TGS1: variants seen among roughly 807,000 people sequenced by gnomAD.
TGS1 encodes the protein trimethylguanosine synthase.
A neutral mutation model predicts 92.2 loss-of-function variants in TGS1; 69 were observed. The ratio of observed to expected loss-of-function variants is 0.75; its 90% CI spans 0.62 to 0.91. The LOEUF is 0.91. Ranked by LOEUF, TGS1 falls within the 40% of genes least tolerant of loss-of-function variation. TGS1 has a pLI of 0.00. For missense variants in TGS1, 1,062 were observed against 1,001.2 expected, an observed-to-expected ratio of 1.06 and a Z score of -0.82; for synonymous variants, 345 against 338.1, an observed-to-expected ratio of 1.02 and a Z score of -0.22.
chr8:55,795,231 T>A (rs1009222302), intron 6 of TGS1, among the ~76,000 whole-genome samples: 1 of 152,232 alleles, frequency 6.6e-6, no homozygotes, highest in African/African-American at 2.4e-5. Flanking sequence ...GAGACTTAAC[T>A]ACTTAACTAC....
intron 12 of TGS1, among the ~76,000 whole-genome samples, chr8:55,821,332 T>A (rs770274394): frequency 9.2e-5 from 14 of 152,230 alleles, no homozygotes; most frequent in Non-Finnish European, 2.1e-4. Context: ...TTTGCTATAC[T>A]GCACTGCCTA....
rs1803769159 is a variant in TGS1, at chr8:55,825,468, T to G, written c.*765T>G. 6.6e-6 allele frequency: 1 copy of G among 152,212 alleles called. No individual in the cohort carries two copies. Among genetic ancestry groups the G allele is most frequent in the East Asian group, 1.9e-4 (1 of 5,204 alleles). 9.4% of individuals were successfully genotyped at this position (152,212 alleles called of 1,614,324 possible). ...GCAAGAGGGATATGTGTTGCTTAAT[T>G]ATTCATCTAAAAAGTTTGTTCAGTC... On this transcript the variant is annotated 3_prime_UTR_variant, in exon 13 of 13. Transcript: ENST00000260129.
rs549848379 is a variant in TGS1 at position 55,817,344 on chromosome 8, A to G, written c.2439+4226A>G. Among the ~76,000 whole-genome samples, 4 of 152,342 alleles carry G rather than the reference A, an allele frequency of 2.6e-5. No individual in the cohort carries two copies. In the South Asian group the frequency reaches 8.3e-4, roughly 32 times the overall value. On this transcript the variant is annotated intron_variant, in intron 12 of 12. Transcript: ENST00000260129. ...GGAATGAGGTACTTATTTATAGGTA[A>G]TATTTCTAAAACTTACCATATATAA...
At chr8:55,807,188 A>G (rs1803192111) in intron 10 of TGS1, among the ~76,000 whole-genome samples, 1 of 152,102 alleles carries the variant, frequency 6.6e-6, no homozygotes, top group Non-Finnish European at 1.5e-5. Context: ...TCAGCCTCGC[A>G]AAGTGCTGGG....
intron 12 of TGS1, among the ~76,000 whole-genome samples, chr8:55,814,721 T>C (rs1196717132): frequency 7.0e-6 from 1 of 143,164 alleles, no homozygotes; most frequent in African/African-American, 2.6e-5. Flanking sequence ...ACACACAAAT[T>C]AGCCGGGCAT....
intron 12 of TGS1, among the ~76,000 whole-genome samples, chr8:55,819,777 TTTC>T (rs1164146466): frequency 6.6e-6 from 1 of 152,218 alleles, no homozygotes. Flanking sequence ...TAAAAAATAT[TTTC>T]TTCTTTCACC....
At chr8:55,806,997 C>T (rs186065684) in intron 10 of TGS1, among the ~76,000 whole-genome samples, 16 of 151,270 alleles carry the variant, frequency 1.1e-4, no homozygotes, top group Non-Finnish European at 2.2e-4. Context: ...GCGCGGATCT[C>T]GGCTCACTGC....
chr8:55,781,465 T>C (rs955958961), intron 1 of TGS1, among the ~76,000 whole-genome samples: 39 of 152,240 alleles, frequency 2.6e-4, no homozygotes, highest in African/African-American at 9.4e-4. Context: ...AACATTATCT[T>C]CAACACATTT....
At position 55,813,066 on chromosome 8, in the gene TGS1, A is replaced by T. The variant is rs1563468558; in HGVS notation, c.2387A>T (p.Lys796Met). 1.2e-6 allele frequency: 2 copies of T among 1,610,720 alleles called. No homozygotes were observed. Among genetic ancestry groups the T allele is most frequent in the South Asian group, 1.1e-5 (1 of 90,756 alleles). Reference sequence around the variant, plus strand: ...TTTGAAATTTTCAGACTTTCTAAGAAGATCACTAATAATATTGTTTATTTT... The same window carrying T: ...TTTGAAATTTTCAGACTTTCTAAGATGATCACTAATAATATTGTTTATTTT... ...DGFEIFRLSK[K>M]ITNNIVYFLP... The change falls in exon 12 of 13, where the codon AAG becomes ATG. Residue 796 changes from lysine to methionine, a missense_variant. Coordinates refer to ENST00000260129, the MANE Select transcript of TGS1 (RefSeq NM_024831.8).
chr8:55,773,641 G>C lies in TGS1; in HGVS notation c.23G>C (p.Arg8Pro), dbSNP rs780065198. The stretch of plus-strand genomic sequence containing the variant: ...AAAATGTGCTGCGAGAAGTGGAGCC[G>C]CGTGGCGGAAATGTTTCTCTTCATT... Reference protein sequence around the residue: MCCEKWSRVAEMFLFIEE... With the variant: MCCEKWSPVAEMFLFIEE... The change falls in exon 1 of 13, where the codon CGC becomes CCC. Residue 8 changes from arginine (R) to proline (P), a missense_variant. Transcript: ENST00000260129. The C allele has an allele frequency of 2.4e-5, 39 of 1,611,034 alleles. No homozygotes were observed. The highest frequency in any genetic ancestry group is 3.3e-5 in the Non-Finnish European group (39 of 1,178,906).
At chr8:55,817,366 A>G (rs757019441) in intron 12 of TGS1, among the ~76,000 whole-genome samples, 4 of 152,234 alleles carry the variant, frequency 2.6e-5, no homozygotes, top group South Asian at 2.1e-4. Context: ...CTTACCATAT[A>G]TAAGAATAGA....
intron 8 of TGS1, 92 bp downstream of exon 8, chr8:55,799,312 T>C: frequency 8.2e-7 from 1 of 1,217,576 alleles, no homozygotes; most frequent in Non-Finnish European, 1.1e-6. Flanking sequence ...GTGAATCTTC[T>C]GTACCTAAGG....
chr8:55,803,530 A>G (rs1035958570), intron 9 of TGS1, among the ~76,000 whole-genome samples: 14 of 152,202 alleles, frequency 9.2e-5, no homozygotes, highest in Non-Finnish European at 1.5e-5. Context: ...GTAAGGAGAA[A>G]TAAGGCTGGA....
intron 10 of TGS1, among the ~76,000 whole-genome samples, chr8:55,808,743 A>G (rs1174378997): frequency 6.6e-6 from 1 of 151,980 alleles, no homozygotes; most frequent in Non-Finnish European, 1.5e-5. Context: ...TCCTGACCTC[A>G]GGTGATCCAC....
At chr8:55,805,881 TAAAAAAAA>T (rs60887117) in intron 10 of TGS1, among the ~76,000 whole-genome samples, 1 of 119,170 alleles carries the variant, frequency 8.4e-6, no homozygotes, top group Admixed American at 9.4e-5. Flanking sequence ...GACTCCATCT[TAAAAAAAA>T]AAAAAAAAAA....
chr8:55,798,845 G>A (rs1356702586), intron 7 of TGS1, 69 bp from the exon 8 acceptor site: 10 of 1,279,620 alleles, frequency 7.8e-6, no homozygotes, highest in Non-Finnish European at 1.1e-5. Flanking sequence ...GTCACAAATT[G>A]TAATAGGTAG....
chr8:55,812,960 A>G, intron 11 of TGS1, 80 bp from the exon 12 acceptor site: 1 of 1,031,954 alleles, frequency 9.7e-7, no homozygotes, highest in Non-Finnish European at 1.5e-6. Context: ...AATACATTTG[A>G]GTTATGATAA....
At chr8:55,777,494 T>C (rs1156426139) in intron 1 of TGS1, among the ~76,000 whole-genome samples, 2 of 152,168 alleles carry the variant, frequency 1.3e-5, no homozygotes, top group Non-Finnish European at 2.9e-5. Flanking sequence ...TCAGCTGTCT[T>C]TGCTATATTT....
At chr8:55,823,878 G>T (rs1197168442) in intron 12 of TGS1, among the ~76,000 whole-genome samples, 1 of 152,178 alleles carries the variant, frequency 6.6e-6, no homozygotes, top group Non-Finnish European at 1.5e-5. Context: ...ACTTTGGGAG[G>T]CCGGGCCGAG....
Sources: allele counts gnomAD v4.1 joint callset (sites outside exome capture counted in the v4.1 genomes callset), GRCh38; gene constraint gnomAD v4.1.1; transcripts MANE v1.5; gene names NCBI Gene and HGNC (gene_info 2026-07-23, HGNC 2026-07-21).